Variants in TP73 observed in about 807,000 individuals in gnomAD.
TP73 encodes p53-like transcription factor.
Under a neutral mutation model 62.5 loss-of-function variants are expected in TP73, and 25 were observed. The ratio of observed to expected loss-of-function variants is 0.40; its 90% CI spans 0.29 to 0.56. The LOEUF is 0.56. Ranked by LOEUF, TP73 falls within the 20% of genes least tolerant of loss-of-function variation. The pLI is 0.46. For missense variants in TP73, 754 were observed against 913.3 expected (o/e 0.83, Z 2.25); for synonymous variants, 423 against 377.5 (o/e 1.12, Z -1.40).
At chr1:3,725,662 A>T (rs1001461069) in intron 6 of TP73, among the ~76,000 whole-genome samples, 1 of 129,316 alleles carries the variant, frequency 7.7e-6, no homozygotes, top group Non-Finnish European at 1.6e-5. Flanking sequence ...GGGTGGGTGG[A>T]TGGATGGATG....
Position 3,671,694 on chromosome 1 carries a change from C to T in TP73, c.-33-10639C>T, listed in dbSNP as rs569571569. On this transcript the variant is annotated intron_variant, in intron 1 of 13. Coordinates refer to ENST00000378295, the MANE Select transcript of TP73 (RefSeq NM_005427.4). ...CCTCTGGGAACACCTGGGGACTTCC[C>T]GCTGGGTTCCTCTGAGGATTGAATG... 5.3e-5 allele frequency among the ~76,000 whole-genome samples: 8 copies of T among 152,336 alleles called. No homozygotes were observed. In the South Asian group the frequency reaches 1.0e-3, roughly 20 times the overall value.
Position 3,727,655 on chromosome 1 carries a change from T to A in TP73, c.870T>A (p.Phe290Leu). The change falls in exon 8 of 14, where the codon TTT (phenylalanine) becomes TTA (leucine). Residue 290 changes from phenylalanine (F) to leucine (L), a missense_variant. Around this residue, in one of 3 missense-constraint regions of TP73, gnomAD observed 458 missense variants for 528.7 expected, o/e 0.87. Coordinates refer to ENST00000378295, the MANE Select transcript of TP73 (RefSeq NM_005427.4). The part of the protein sequence containing the change: ...RDGQVLGRRS[F>L]EGRICACPGR... ...GGCAGGTGCTGGGCCGCCGGTCCTT[T>A]GAGGGCCGCATCTGCGCCTGTCCTG... 6.2e-7 allele frequency: 1 copy of A among 1,600,814 alleles called. No individual in the cohort carries two copies. The highest frequency in any genetic ancestry group is 8.5e-7 in the Non-Finnish European group (1 of 1,176,200).
chr1:3,671,688 A>T (rs1256229450), intron 1 of TP73, among the ~76,000 whole-genome samples: 1 of 152,196 alleles, frequency 6.6e-6, no homozygotes, highest in Non-Finnish European at 1.5e-5. Flanking sequence ...ACACCTGGGG[A>T]CTTCCCGCTG....
In TP73 at chr1:3,724,975, C is replaced by T. The variant is rs544632634; in HGVS notation, c.732+1506C>T. ...CAGAAGTTGCAGTGAGCCAAGATCG[C>T]GCCATTGCACTCCAGCCTGGGGGAC... On this transcript the variant is annotated intron_variant, in intron 6 of 13. Coordinates refer to ENST00000378295, the MANE Select transcript of TP73 (RefSeq NM_005427.4). Among the ~76,000 whole-genome samples, 24 of 151,810 alleles carry T rather than the reference C, an allele frequency of 1.6e-4. No homozygotes were observed. In the South Asian group the frequency reaches 4.4e-3, roughly 28 times the overall value.
chr1:3,709,557 C>T (rs546932006), intron 4 of TP73, among the ~76,000 whole-genome samples: 108 of 152,308 alleles, frequency 7.1e-4, no homozygotes, highest in Non-Finnish European at 1.3e-3. Context: ...GCTGCACCTG[C>T]CTGTGGGGCA....
At chr1:3,673,881 G>A (rs941192345) in intron 1 of TP73, among the ~76,000 whole-genome samples, 4 of 152,120 alleles carry the variant, frequency 2.6e-5, no homozygotes, top group African/African-American at 9.7e-5. Flanking sequence ...TGTGCGGTGG[G>A]AACACGGACT....
Position 3,735,643 on chromosome 1 carries a change from C to T in TP73, c.*2564C>T, listed in dbSNP as rs767707714. ...AGTGATATGTTTTTATAAAACTAAACAAATCAACAAATAAATCTTGAAGGC... is the reference window on the plus strand; with the variant it reads ...AGTGATATGTTTTTATAAAACTAAATAAATCAACAAATAAATCTTGAAGGC... On this transcript the variant is annotated 3_prime_UTR_variant, in exon 14 of 14. Transcript: ENST00000378295. The T allele has an allele frequency of 2.0e-5, 3 of 152,190 alleles. No individual in the cohort carries two copies. The highest frequency in any genetic ancestry group is 2.9e-5 in the Non-Finnish European group (2 of 68,030). The allele number at this position is 152,190 out of a possible 1,614,324, so 9.4% of individuals were successfully genotyped here.
rs2102028130 is a variant in TP73 at position 3,666,005 on chromosome 1, C to A, written c.-34+13364C>A. Among the ~76,000 whole-genome samples the A allele has an allele frequency of 6.6e-6, 1 of 151,224 alleles. No homozygotes were observed. The highest frequency in any genetic ancestry group is 6.6e-5 in the Admixed American group (1 of 15,166). ...CAAAAATTAGCTGGGTATAGTAATTCCAGCTACTTGGGAGGCTGAGGCAGG... is the reference window on the plus strand; with the variant it reads ...CAAAAATTAGCTGGGTATAGTAATTACAGCTACTTGGGAGGCTGAGGCAGG... On this transcript the variant is annotated intron_variant, in intron 1 of 13. Coordinates refer to ENST00000378295, the MANE Select transcript of TP73 (RefSeq NM_005427.4). The surrounding 1 kb of genome is among the most constrained non-coding windows in gnomAD (Gnocchi z 6.4).
intron 9 of TP73, among the ~76,000 whole-genome samples, chr1:3,729,002 G>GAGAGAGAGAGAGAC (rs1553147331): frequency 6.6e-6 from 1 of 151,974 alleles, no homozygotes; most frequent in Non-Finnish European, 1.5e-5. Context: ...AAGAGAGAGA[G>GAGAGAGAGAGAGAC]AGAGACAGAG....
chr1:3,655,675 A>G (rs1644850208), intron 1 of TP73, among the ~76,000 whole-genome samples: 1 of 152,224 alleles, frequency 6.6e-6, no homozygotes, highest in African/African-American at 2.4e-5. Context: ...CTGAGTGATC[A>G]CTTACTCCTA....
chr1:3,691,036 G>T, intron 3 of TP73: 1 of 1,515,754 alleles, frequency 6.6e-7, no homozygotes, highest in Non-Finnish European at 8.9e-7. Flanking sequence ...CCTTCTGCCT[G>T]CCTTCCTGGC....
At chr1:3,695,026 T>C (rs1275124948) in intron 3 of TP73, among the ~76,000 whole-genome samples, 1 of 151,424 alleles carries the variant, frequency 6.6e-6, no homozygotes, top group Non-Finnish European at 1.5e-5. Context: ...TCCCACACTG[T>C]CCTTCCACAT....
chr1:3,661,483 C>T (rs749648297), intron 1 of TP73, among the ~76,000 whole-genome samples: 11 of 151,738 alleles, frequency 7.2e-5, no homozygotes, highest in Non-Finnish European at 1.5e-4. Context: ...CTGACATGAG[C>T]GGATCACTAG....
intron 7 of TP73, 192 bp downstream of exon 7, chr1:3,727,416 A>T: frequency 1.1e-6 from 1 of 918,192 alleles, no homozygotes. Flanking sequence ...CTCCGGAGGG[A>T]GGTGGGAGTC....
At chr1:3,686,505 A>T (rs1266384667) in intron 3 of TP73, among the ~76,000 whole-genome samples, 1 of 152,160 alleles carries the variant, frequency 6.6e-6, no homozygotes, top group African/African-American at 2.4e-5. Flanking sequence ...GGCTCTGCCC[A>T]ACCCCGTGGG....
At chr1:3,712,203 A>G (rs1265146410) in intron 4 of TP73, 1 of 152,292 alleles carries the variant, frequency 6.6e-6, no homozygotes, top group African/African-American at 2.4e-5. Context: ...CTGAGGGAAG[A>G]GTTCTAACAA....
intron 3 of TP73, chr1:3,690,784 C>G: frequency 6.6e-7 from 1 of 1,516,248 alleles, no homozygotes; most frequent in South Asian, 1.2e-5. Context: ...CGGAGCCTCT[C>G]CCGCTCGGTC....
chr1:3,697,958 C>T (rs896653005), intron 3 of TP73: 26 of 424,784 alleles, frequency 6.1e-5, no homozygotes, highest in South Asian at 9.9e-5. Context: ...TGGCACGCCC[C>T]GTGACTGCCT....
intron 3 of TP73, among the ~76,000 whole-genome samples, chr1:3,695,152 A>G (rs1242495164): frequency 3.9e-5 from 6 of 152,222 alleles, no homozygotes; most frequent in Non-Finnish European, 1.5e-5. Context: ...CAGAGACATT[A>G]CCCACTTCTG....
Sources: gnomAD v4.1 joint callset for allele counts (sites outside exome capture counted in the v4.1 genomes callset) on GRCh38, gnomAD v4.1.1 for gene constraint, gnomAD v4.1.1 regional missense constraint, Gnocchi (gnomAD v3.1) non-coding constraint, MANE v1.5 for transcripts, NCBI Gene and HGNC (gene_info 2026-07-23, HGNC 2026-07-21) for gene names.